Variants in SNX9 observed in about 807,000 individuals in gnomAD.
SNX9 encodes sorting nexin-9.
In SNX9, 44 loss-of-function variants were observed where a neutral mutation model predicts 89.4. The observed-to-expected ratio is 0.49, with a 90% confidence interval of 0.39 to 0.63. The LOEUF (loss-of-function observed/expected upper bound fraction) is 0.63, where lower values mean the gene tolerates loss of function less well. Among genes scored for constraint, SNX9 ranks in the 30% least tolerant of loss-of-function variants. The pLI is 0.00. For missense variants in SNX9, 578 were observed against 736.1 expected (o/e 0.79, Z 2.49); for synonymous variants, 236 against 247.8 (o/e 0.95, Z 0.45).
chr6:157,931,146 T>A (rs1028653480), intron 12 of SNX9, among the ~76,000 whole-genome samples: 5 of 152,232 alleles, frequency 3.3e-5, no homozygotes, highest in Admixed American at 1.3e-4. Flanking sequence ...AAAGTAGTTC[T>A]TTAAAATTCC....
chr6:157,877,192 G>C (rs780310920), intron 4 of SNX9, among the ~76,000 whole-genome samples: 1 of 151,298 alleles, frequency 6.6e-6, no homozygotes, highest in East Asian at 2.0e-4. Context: ...TATATTCCTT[G>C]GTATTTACTT....
chr6:157,928,497 T>C, intron 11 of SNX9, 102 bp from the exon 12 acceptor site: 6 of 853,848 alleles, frequency 7.0e-6, no homozygotes, highest in Admixed American at 2.2e-5. Context: ...GGAGTTGTTA[T>C]CATGCAAGAA....
Position 157,928,614 on chromosome 6 carries a change from G to A in SNX9, c.1200G>A (p.Glu400=), listed in dbSNP as rs1261618070. 4 of 1,609,578 alleles carry A rather than the reference G, an allele frequency of 2.5e-6. No homozygotes were observed. Among genetic ancestry groups the A allele is most frequent in the Non-Finnish European group, 3.4e-6 (4 of 1,178,168 alleles). ...LDLVEIEQKC[E]AVGKFTKAMD... is the part of the protein sequence containing the mutation. ...TCACCCACAGAGAGCAGAAGTGCGA[G>A]GCTGTGGGGAAGTTCACCAAGGCCA... Residue 400 remains glutamate, a synonymous_variant, in exon 12 of 18, where the codon GAG becomes GAA. Transcript: ENST00000392185.
At chr6:157,847,695 A>G (rs1213950240) in intron 1 of SNX9, among the ~76,000 whole-genome samples, 1 of 152,132 alleles carries the variant, frequency 6.6e-6, no homozygotes, top group Non-Finnish European at 1.5e-5. Context: ...AAGCTTCATC[A>G]TAGGTTACAC....
intron 13 of SNX9, 29 bp from the exon 14 acceptor site, chr6:157,935,935 T>C (rs190086846): frequency 3.9e-6 from 6 of 1,540,338 alleles, no homozygotes; most frequent in East Asian, 4.6e-5. Flanking sequence ...GCATAACTTA[T>C]AACCACTGAT....
At chr6:157,892,475 G>GAA (rs983881317) in intron 4 of SNX9, among the ~76,000 whole-genome samples, 1 of 142,038 alleles carries the variant, frequency 7.0e-6, no homozygotes, top group African/African-American at 2.6e-5. Flanking sequence ...AGCGTTCCAG[G>GAA]AAAAAAAAAA....
intron 1 of SNX9, among the ~76,000 whole-genome samples, chr6:157,837,365 T>C (rs2115110276): frequency 6.6e-6 from 1 of 152,328 alleles, no homozygotes; most frequent in African/African-American, 2.4e-5. Flanking sequence ...CAGTAATCAG[T>C]CCAGATTTAT....
chr6:157,939,832 T>G (rs928389828), intron 16 of SNX9, among the ~76,000 whole-genome samples: 2 of 152,152 alleles, frequency 1.3e-5, no homozygotes, highest in African/African-American at 4.8e-5. Flanking sequence ...GTAGAACAGT[T>G]TGCATGTCAT....
chr6:157,908,499 G>C (rs1037569231), intron 7 of SNX9, among the ~76,000 whole-genome samples: 10 of 152,176 alleles, frequency 6.6e-5, no homozygotes, highest in African/African-American at 2.4e-4. Flanking sequence ...CCTGCAGTCT[G>C]AACCTCTAGA....
chr6:157,873,080 T>G, intron 2 of SNX9, 22 bp from the exon 3 acceptor site: 1 of 1,496,042 alleles, frequency 6.7e-7, no homozygotes, highest in Non-Finnish European at 8.8e-7. Context: ...TTCTTTTTTT[T>G]TTTTTTTTGG....
intron 4 of SNX9, among the ~76,000 whole-genome samples, chr6:157,891,027 C>CTCTT (rs1184215773): frequency 8.7e-6 from 1 of 114,920 alleles, no homozygotes; most frequent in African/African-American, 3.5e-5. Flanking sequence ...TTTTCTTTCT[C>CTCTT]TTTTTTTTTT....
rs1465958106 is a variant in SNX9, at chr6:157,864,036, C to G, written c.13-3511C>G. ...TGTGAATGTCCTTGTCTGTTTTGTG[C>G]TTACAACAGGAGATCTACGACTGGG... is the stretch of plus-strand genomic sequence containing the variant. On this transcript the variant is annotated intron_variant, in intron 1 of 17. Coordinates refer to ENST00000392185, the MANE Select transcript of SNX9 (RefSeq NM_016224.5). Among the ~76,000 whole-genome samples, 3 of 152,066 alleles carry G rather than the reference C, an allele frequency of 2.0e-5. No individual in the cohort carries two copies. In the East Asian group the frequency reaches 5.8e-4, roughly 29 times the overall value.
At chr6:157,909,367 T>G (rs768377909) in intron 7 of SNX9, among the ~76,000 whole-genome samples, 1 of 152,218 alleles carries the variant, frequency 6.6e-6, no homozygotes, top group Non-Finnish European at 1.5e-5. Flanking sequence ...ACAGCTAGAC[T>G]AGAAAGAAAC....
chr6:157,934,906 G>A (rs1458182510), intron 13 of SNX9, among the ~76,000 whole-genome samples: 1 of 152,108 alleles, frequency 6.6e-6, no homozygotes, highest in African/African-American at 2.4e-5. Context: ...TCCCACCACA[G>A]TGAACCAGGG....
At chr6:157,907,296 T>G (rs1783236349) in intron 7 of SNX9, among the ~76,000 whole-genome samples, 1 of 152,074 alleles carries the variant, frequency 6.6e-6, no homozygotes, top group South Asian at 2.1e-4. Context: ...GTTTGTTTGT[T>G]TTTAAGACAG....
rs746515223 is a variant in SNX9 at position 157,881,397 on chromosome 6, C to G, written c.300+6221C>G. 3.3e-5 allele frequency among the ~76,000 whole-genome samples: 5 copies of G among 152,138 alleles called. No individual in the cohort carries two copies. In the South Asian group the frequency reaches 1.0e-3, roughly 32 times the overall value. On this transcript the variant is annotated intron_variant, in intron 4 of 17. Transcript: ENST00000392185. ...ACCTCCCTATTCTCTGAGACACAACCGTATTTCAGTTAACCAATTATTAAC... is the reference window on the plus strand; with the variant it reads ...ACCTCCCTATTCTCTGAGACACAACGGTATTTCAGTTAACCAATTATTAAC...
chr6:157,938,624 A>G lies in SNX9; in HGVS notation c.1534-9A>G. The G allele has an allele frequency of 6.3e-7, 1 of 1,582,284 alleles. No individual in the cohort carries two copies. The highest frequency in any genetic ancestry group is 8.7e-7 in the Non-Finnish European group (1 of 1,151,706). On this transcript the variant is annotated splice_polypyrimidine_tract_variant and intron_variant, in intron 15 of 17. Transcript: ENST00000392185. ...CTTTATTCATACTGTTGCATTTTAT[A>G]TTTCACAGGGAGCAATAGAAAAAGT... is the stretch of plus-strand genomic sequence containing the variant.
At position 157,823,293 on chromosome 6, in the gene SNX9, G is replaced by A; in HGVS notation, c.-142G>A. On this transcript the variant is annotated 5_prime_UTR_variant, in exon 1 of 18. Coordinates refer to ENST00000392185, the MANE Select transcript of SNX9 (RefSeq NM_016224.5). The surrounding 1 kb of genome is among the most constrained non-coding windows in gnomAD (Gnocchi z 4.6). ...GCTGGGCCTGAGCGTCGAGACTCGG[G>A]GCCGAGGCGGAGGAGCGGCCGCCGC... 1 of 619,022 alleles carries A rather than the reference G, an allele frequency of 1.6e-6. No individual in the cohort carries two copies. The highest frequency in any genetic ancestry group is 6.0e-5 in the East Asian group (1 of 16,772). The allele number at this position is 619,022 out of a possible 1,614,324, so 38.3% of individuals were successfully genotyped here.
In SNX9 at chr6:157,919,697, A is replaced by C. The variant is rs541271122; in HGVS notation, c.950-1834A>C. ...ATCTGCCACATTGTTTTTTTCTGCC[A>C]AATTCAACATCTGCGGACACTCAGA... On this transcript the variant is annotated intron_variant, in intron 9 of 17. Coordinates refer to ENST00000392185, the MANE Select transcript of SNX9 (RefSeq NM_016224.5). Among the ~76,000 whole-genome samples, 18 of 152,288 alleles carry C rather than the reference A, an allele frequency of 1.2e-4. No individual in the cohort carries two copies. The East Asian group carries it at 2.5e-3, about 21-fold the overall frequency.
Sources: gnomAD v4.1 joint callset for allele counts (sites outside exome capture counted in the v4.1 genomes callset) on GRCh38, gnomAD v4.1.1 for gene constraint, Gnocchi (gnomAD v3.1) non-coding constraint, MANE v1.5 for transcripts, NCBI Gene and HGNC (gene_info 2026-07-23, HGNC 2026-07-21) for gene names.